RUFY3: variants seen among roughly 807,000 people sequenced by gnomAD.
RUFY3 encodes the protein RUN and FYVE domain containing 3.
In RUFY3, 34 loss-of-function variants were observed where a neutral mutation model predicts 84.0. That is an observed-to-expected ratio of 0.40 (90% CI 0.31 to 0.54). The LOEUF (loss-of-function observed/expected upper bound fraction) is 0.54. Ranked by LOEUF, RUFY3 falls within the 20% of genes least tolerant of loss-of-function variation. The probability of loss-of-function intolerance (pLI) is 0.39; values close to 1 mark genes in which losing one functional copy is unlikely to be tolerated. For missense variants in RUFY3, 507 were observed against 736.8 expected, an observed-to-expected ratio of 0.69 and a Z score of 3.61; for synonymous variants, 242 against 252.9, an observed-to-expected ratio of 0.96 and a Z score of 0.41.
Position 70,775,195 on chromosome 4 carries a change from C to A in RUFY3, c.786C>A (p.Asp262Glu). The change falls in exon 7 of 18, where the codon GAC becomes GAA. Residue 262 changes from aspartate to glutamate, a missense_variant. Physicochemically the swap from Asp to Glu is conservative, Grantham distance 45. Coordinates refer to ENST00000381006, the MANE Select transcript of RUFY3 (RefSeq NM_001037442.4). ...ACGGTCAGATTACTGCAATTCTGGA[C>A]CAGAAGAACTATGTAGAAGAACTGA... is the stretch of plus-strand genomic sequence containing the variant. The part of the protein sequence containing the change: ...EGDGQITAIL[D>E]QKNYVEELNR... The A allele has an allele frequency of 6.3e-7, 1 of 1,596,172 alleles. No individual in the cohort carries two copies. The highest frequency in any genetic ancestry group is 8.6e-7 in the Non-Finnish European group (1 of 1,168,536).
intron 1 of RUFY3, among the ~76,000 whole-genome samples, chr4:70,714,921 AG>A (rs1741394080): frequency 6.6e-6 from 1 of 152,310 alleles, no homozygotes; most frequent in South Asian, 2.1e-4. Context: ...TTCAGGGTAG[AG>A]GTTATTTTTA....
intron 6 of RUFY3, among the ~76,000 whole-genome samples, chr4:70,774,018 G>A (rs1201166216): frequency 6.6e-6 from 1 of 152,120 alleles, no homozygotes; most frequent in Non-Finnish European, 1.5e-5. Flanking sequence ...ACCTCTTCTT[G>A]TATATCTAAA....
intron 1 of RUFY3, among the ~76,000 whole-genome samples, chr4:70,759,694 TG>T (rs1724693565): frequency 6.6e-6 from 1 of 152,244 alleles, no homozygotes; most frequent in Non-Finnish European, 1.5e-5. Context: ...TTTTATTTTT[TG>T]TCTTGTTAGT....
chr4:70,718,475 C>A (rs1741889997), upstream of RUFY3, among the ~76,000 whole-genome samples: 1 of 152,088 alleles, frequency 6.6e-6, no homozygotes, highest in Non-Finnish European at 1.5e-5. Flanking sequence ...TCACACAGGC[C>A]TATTCTTTTA....
chr4:70,708,654 TA>T (rs1740620714), intron 1 of RUFY3, among the ~76,000 whole-genome samples: 1 of 152,256 alleles, frequency 6.6e-6, no homozygotes, highest in Non-Finnish European at 1.5e-5. Flanking sequence ...ATTATCTTTT[TA>T]TTTTAGAAAT....
intron 9 of RUFY3, among the ~76,000 whole-genome samples, chr4:70,783,885 TTA>T (rs1442968159): frequency 6.6e-6 from 1 of 152,214 alleles, no homozygotes; most frequent in African/African-American, 2.4e-5. Context: ...CTCTTACTTT[TTA>T]CTGATGCTCG....
chr4:70,716,766 C>A (rs1361476913), intron 1 of RUFY3, among the ~76,000 whole-genome samples: 1 of 150,358 alleles, frequency 6.7e-6, no homozygotes, highest in Non-Finnish European at 1.5e-5. Flanking sequence ...ATTGCTTGAA[C>A]CTGGGAGGGG....
chr4:70,732,981 C>T (rs1158921922), intron 1 of RUFY3, among the ~76,000 whole-genome samples: 1 of 151,690 alleles, frequency 6.6e-6, no homozygotes, highest in African/African-American at 2.4e-5. Flanking sequence ...GCAGGAGAAT[C>T]ACTTGAACTC....
Position 70,768,397 on chromosome 4 carries a change from GT to G in RUFY3, c.573-131del, listed in dbSNP as rs201062322. On this transcript the variant is annotated intron_variant, in intron 4 of 17. Coordinates refer to ENST00000381006, the MANE Select transcript of RUFY3 (RefSeq NM_001037442.4). ...ATTTACTAAAGCCTTTCTTTTTGTA[GT>G]TTTTTTTTTACTATTTTTGTAGATG... 745 of 635,658 alleles carry G rather than the reference GT, an allele frequency of 1.2e-3. 1 individual carries two copies. The highest frequency in any genetic ancestry group is 7.7e-3 in the Middle Eastern group (15 of 1,956). 39.4% of individuals were successfully genotyped at this position (635,658 alleles called of 1,614,324 possible). A position where few individuals can be genotyped will look rare whatever the true frequency, so the allele number is the denominator to read the frequency against.
chr4:70,724,131 T>A (rs915409440), intron 1 of RUFY3, among the ~76,000 whole-genome samples: 23 of 152,176 alleles, frequency 1.5e-4, no homozygotes, highest in Non-Finnish European at 2.6e-4. Flanking sequence ...CTATTTATTT[T>A]TTATTATTAT....
chr4:70,738,537 T>C (rs567803935), intron 1 of RUFY3, among the ~76,000 whole-genome samples: 148 of 151,272 alleles, frequency 9.8e-4, no homozygotes, highest in Non-Finnish European at 2.8e-4. Context: ...TAATTTTTTG[T>C]ATTTTTGGTA....
intron 1 of RUFY3, among the ~76,000 whole-genome samples, chr4:70,739,137 C>T (rs992830360): frequency 6.6e-6 from 1 of 150,632 alleles, no homozygotes; most frequent in East Asian, 1.9e-4. Flanking sequence ...GCCCAAATTA[C>T]TGGTTTATTA....
chr4:70,730,226 A>C (rs1295182218), intron 1 of RUFY3, among the ~76,000 whole-genome samples: 1 of 151,940 alleles, frequency 6.6e-6, no homozygotes, highest in Non-Finnish European at 1.5e-5. Context: ...CCCAGCCAAA[A>C]TATGTGCTTT....
intron 1 of RUFY3, among the ~76,000 whole-genome samples, chr4:70,705,710 C>T (rs1481502367): frequency 3.3e-5 from 5 of 152,312 alleles, no homozygotes; most frequent in Non-Finnish European, 7.4e-5. Flanking sequence ...GAGGGGGCGG[C>T]GCCCGGAGAC....
At chr4:70,763,726 T>C (rs1578129756) in intron 3 of RUFY3, 57 bp downstream of exon 3, 1 of 1,573,924 alleles carries the variant, frequency 6.4e-7, no homozygotes, top group Non-Finnish European at 8.6e-7. Context: ...AACTATCCCT[T>C]GAAGAGCAAG....
At chr4:70,733,715 A>G (rs753806730) in intron 1 of RUFY3, among the ~76,000 whole-genome samples, 1 of 152,208 alleles carries the variant, frequency 6.6e-6, no homozygotes, top group Non-Finnish European at 1.5e-5. Context: ...CTTAAGCTGC[A>G]TATTTACTAT....
At chr4:70,708,110 G>A (rs1050555886) in intron 1 of RUFY3, among the ~76,000 whole-genome samples, 32 of 152,114 alleles carry the variant, frequency 2.1e-4, no homozygotes, top group Admixed American at 9.2e-4. Flanking sequence ...GCAACAGAAC[G>A]AAACCCTGTT....
chr4:70,760,940 G>A (rs949895344), intron 1 of RUFY3, among the ~76,000 whole-genome samples: 1 of 152,158 alleles, frequency 6.6e-6, no homozygotes, highest in African/African-American at 2.4e-5. Context: ...TTTGGAATTT[G>A]ACCATTTGAC....
Position 70,722,196 on chromosome 4 carries a change from A to T in RUFY3, c.-378A>T. On this transcript the variant is annotated 5_prime_UTR_variant, in exon 1 of 18. Coordinates refer to ENST00000381006, the MANE Select transcript of RUFY3 (RefSeq NM_001037442.4). ...TTTCACTTACTCATATCGAGGCCAG[A>T]TTTTTAAAGCCAGCTAAGGCAGCAT... 2 of 1,230,290 alleles carry T rather than the reference A, an allele frequency of 1.6e-6. No individual in the cohort carries two copies. Among genetic ancestry groups the T allele is most frequent in the Non-Finnish European group, 2.0e-6 (2 of 987,598 alleles). 76.2% of individuals were successfully genotyped at this position (1,230,290 alleles called of 1,614,324 possible).
Sources: allele counts gnomAD v4.1 joint callset (sites outside exome capture counted in the v4.1 genomes callset), GRCh38; gene constraint gnomAD v4.1.1; transcripts MANE v1.5; gene names NCBI Gene and HGNC (gene_info 2026-07-23, HGNC 2026-07-21).